Variants in ERICH6B observed in about 807,000 individuals in gnomAD.
ERICH6B encodes glutamate-rich protein 6B.
Under a neutral mutation model 80.0 loss-of-function variants are expected in ERICH6B, and 69 were observed. The observed-to-expected ratio is 0.86, with a 90% confidence interval of 0.71 to 1.05. The LOEUF is 1.05. Among genes scored for constraint, ERICH6B ranks in the 50% least tolerant of loss-of-function variants. The probability of loss-of-function intolerance (pLI) is 0.00; values close to 1 mark genes in which losing one functional copy is unlikely to be tolerated. For synonymous variants in ERICH6B, 283 were observed against 291.9 expected, an observed-to-expected ratio of 0.97 and a Z score of 0.31; for missense variants, 754 against 796.1, an observed-to-expected ratio of 0.95 and a Z score of 0.64.
At chr13:45,591,821 T>C (rs1876168238) in intron 3 of ERICH6B, among the ~76,000 whole-genome samples, 3 of 152,188 alleles carry the variant, frequency 2.0e-5, no homozygotes, top group Admixed American at 2.0e-4. Flanking sequence ...GAATTAGCTT[T>C]ATTTATATTT....
At chr13:45,610,221 C>A (rs1949891660) in intron 1 of ERICH6B, among the ~76,000 whole-genome samples, 1 of 152,052 alleles carries the variant, frequency 6.6e-6, no homozygotes. Context: ...AGGTTTTTTT[C>A]ATGTCTGACA....
chr13:45,603,233 G>C (rs1285098948), intron 2 of ERICH6B, among the ~76,000 whole-genome samples: 1 of 152,206 alleles, frequency 6.6e-6, no homozygotes, highest in Non-Finnish European at 1.5e-5. Context: ...CCACATTGGT[G>C]AAGATGATCT....
intron 1 of ERICH6B, among the ~76,000 whole-genome samples, chr13:45,611,269 G>A (rs966642022): frequency 6.6e-6 from 1 of 152,202 alleles, no homozygotes; most frequent in Non-Finnish European, 1.5e-5. Context: ...GCACAGTAAA[G>A]CGGCAGTAGG....
rs1421374615 is a variant in ERICH6B at position 45,596,664 on chromosome 13, C to T, written c.342G>A (p.Glu114=). The T allele has an allele frequency of 6.4e-7, 1 of 1,551,896 alleles. No homozygotes were observed. Among genetic ancestry groups the T allele is most frequent in the South Asian group, 1.2e-5 (1 of 84,026 alleles). The change falls in exon 3 of 15, where the codon GAG becomes GAA. Residue 114 remains glutamate, a synonymous_variant. Coordinates refer to ENST00000298738, the MANE Select transcript of ERICH6B (RefSeq NM_182542.3). ...LEEEEYIEEE[E]YLGKEGYLEE... is the part of the protein sequence containing the mutation. ...CCAGATACCCTTCCTTCCCCAGATA[C>T]TCTTCCTCTTCAATATACTCTTCCT...
intron 11 of ERICH6B, chr13:45,553,082 C>T (rs556102283): frequency 5.3e-5 from 16 of 304,644 alleles, no homozygotes; most frequent in South Asian, 4.4e-4. Context: ...CTTGTAGTTG[C>T]AAGACATTCC....
chr13:45,578,919 A>G (rs549619025), intron 7 of ERICH6B, among the ~76,000 whole-genome samples: 1 of 152,322 alleles, frequency 6.6e-6, no homozygotes, highest in Non-Finnish European at 1.5e-5. Context: ...GAGTGGTGGC[A>G]TGCACCCGTG....
rs1874297276 is a variant in ERICH6B, at chr13:45,553,256, G to A, written c.1408-2940C>T. Reference sequence around the variant, plus strand: ...CAGTGAGGCCTGATTTGTTAGTTAAGTGCTGATTCTCCCTTCTGACACCGG... The same window carrying A: ...CAGTGAGGCCTGATTTGTTAGTTAAATGCTGATTCTCCCTTCTGACACCGG... On this transcript the variant is annotated intron_variant, in intron 11 of 14. Transcript: ENST00000298738. 2.9e-5 allele frequency: 5 copies of A among 170,394 alleles called. No homozygotes were observed. In the South Asian group the frequency reaches 5.0e-4, roughly 17 times the overall value. 10.6% of individuals were successfully genotyped at this position (170,394 alleles called of 1,614,324 possible). A position where few individuals can be genotyped will look rare whatever the true frequency, so the allele number is the denominator to read the frequency against.
In ERICH6B at chr13:45,596,953, G is replaced by A. The variant is rs1459543233; in HGVS notation, c.53C>T (p.Thr18Ile). 7.7e-6 allele frequency: 12 copies of A among 1,551,732 alleles called. No individual in the cohort carries two copies. The highest frequency in any genetic ancestry group is 3.3e-4 in the Middle Eastern group (2 of 5,992). ...GTTCTGTGTGGAATATTGGGGAGTT[G>A]TGGGAGGGTGAGGAGGTGATGCTCC... ...LSGASPPHPP[T>I]TPQYSTQNLP... The change falls in exon 3 of 15, where the codon ACA (threonine) becomes ATA (isoleucine). Residue 18 changes from threonine to isoleucine, a missense_variant. By Grantham distance (89) the Thr-to-Ile change is moderately conservative. Coordinates refer to ENST00000298738, the MANE Select transcript of ERICH6B (RefSeq NM_182542.3).
chr13:45,599,864 G>A (rs1401114574), intron 2 of ERICH6B, among the ~76,000 whole-genome samples: 1 of 152,202 alleles, frequency 6.6e-6, no homozygotes. Context: ...GAGGATTCCC[G>A]TGGCCATTTG....
At position 45,597,006 on chromosome 13, in the gene ERICH6B, G is replaced by A. The variant is rs1294492111; in HGVS notation, c.-1C>T. On this transcript the variant is annotated 5_prime_UTR_variant, in exon 3 of 15. Transcript: ENST00000298738. ...ATAACTGATTATTTTCAGCAGACAT[G>A]CTGGGGAAGTCGTAGGTGGTGAACT... 2 of 1,539,106 alleles carry A rather than the reference G, an allele frequency of 1.3e-6. No homozygotes were observed. The highest frequency in any genetic ancestry group is 1.2e-5 in the South Asian group (1 of 81,934).
At chr13:45,583,491 C>G (rs1478121578) in intron 5 of ERICH6B, among the ~76,000 whole-genome samples, 1 of 152,176 alleles carries the variant, frequency 6.6e-6, no homozygotes, top group Non-Finnish European at 1.5e-5. Context: ...AAATCTGAGT[C>G]CACTGAAGGA....
intron 3 of ERICH6B, among the ~76,000 whole-genome samples, chr13:45,595,712 G>A (rs1339744397): frequency 1.8e-5 from 2 of 113,030 alleles, no homozygotes; most frequent in African/African-American, 7.0e-5. Flanking sequence ...TAAGCATTCT[G>A]TTACCCAGGC....
chr13:45,593,104 T>G (rs1876222280), intron 3 of ERICH6B, among the ~76,000 whole-genome samples: 2 of 152,234 alleles, frequency 1.3e-5, no homozygotes, highest in South Asian at 4.1e-4. Flanking sequence ...TGGCAATTGA[T>G]GCTGCATTTA....
At chr13:45,611,270 C>G (rs182096106) in intron 1 of ERICH6B, among the ~76,000 whole-genome samples, 1 of 152,166 alleles carries the variant, frequency 6.6e-6, no homozygotes, top group African/African-American at 2.4e-5. Flanking sequence ...CACAGTAAAG[C>G]GGCAGTAGGA....
intron 2 of ERICH6B, among the ~76,000 whole-genome samples, chr13:45,606,797 G>A (rs755673088): frequency 9.2e-5 from 14 of 151,398 alleles, no homozygotes; most frequent in Admixed American, 2.6e-4. Flanking sequence ...CAGGTGATCC[G>A]TCCACCTCAG....
In ERICH6B at chr13:45,596,777, C is replaced by T; in HGVS notation, c.229G>A (p.Glu77Lys). 1 of 1,551,680 alleles carries T rather than the reference C, an allele frequency of 6.4e-7. No individual in the cohort carries two copies. The highest frequency in any genetic ancestry group is 1.2e-5 in the South Asian group (1 of 84,060). ...TACTCTTCCTCCTTCAAGTATTCTTCTTTCCCCAGATACTCTTCCTCTTCC... is the reference window on the plus strand; with the variant it reads ...TACTCTTCCTCCTTCAAGTATTCTTTTTTCCCCAGATACTCTTCCTCTTCC... ...DLEEEEYLGKEEYLKEEEYLG... is the reference protein window; with the variant it reads ...DLEEEEYLGKKEYLKEEEYLG... Residue 77 changes from glutamate (E) to lysine (K), a missense_variant, in exon 3 of 15, where the codon GAA becomes AAA. Transcript: ENST00000298738.
chr13:45,544,953 A>C lies in ERICH6B; in HGVS notation c.1679T>G (p.Phe560Cys). ...GGCCTTCTGGCGTTTGTCTTTGGGG[A>C]AGTAGTAGCCCAGGTTGGAGCTCAG... ...LNLSSNLGYYFPKDKRQKAWN... is the reference protein window; with the variant it reads ...LNLSSNLGYYCPKDKRQKAWN... Residue 560 changes from phenylalanine (F) to cysteine (C), a missense_variant, in exon 14 of 15, where the codon TTC (phenylalanine) becomes TGC (cysteine). Transcript: ENST00000298738. 1 of 1,551,210 alleles carries C rather than the reference A, an allele frequency of 6.4e-7. No individual in the cohort carries two copies. The highest frequency in any genetic ancestry group is 2.4e-5 in the East Asian group (1 of 40,914).
chr13:45,574,807 CTG>C lies in ERICH6B; in HGVS notation c.1050+33_1050+34del, dbSNP rs1491393789. 2.1e-5 allele frequency: 31 copies of C among 1,472,370 alleles called. No individual in the cohort carries two copies. The African/African-American group carries it at 3.8e-4, about 18-fold the overall frequency. 91.2% of individuals were successfully genotyped at this position (1,472,370 alleles called of 1,614,324 possible). On this transcript the variant is annotated intron_variant, in intron 8 of 14. Coordinates refer to ENST00000298738, the MANE Select transcript of ERICH6B (RefSeq NM_182542.3). ...TGGGCCACCCTACATTTGGAGGAAG[CTG>C]GGGGGGGGGTCTCAAGTTTTTATCC...
At chr13:45,578,730 G>T (rs974376910) in intron 7 of ERICH6B, among the ~76,000 whole-genome samples, 38 of 152,342 alleles carry the variant, frequency 2.5e-4, no homozygotes, top group Admixed American at 1.3e-3. Flanking sequence ...TACTCAAAGT[G>T]TGGTCCATGG....
Sources: gnomAD v4.1 joint callset for allele counts (sites outside exome capture counted in the v4.1 genomes callset) on GRCh38, gnomAD v4.1.1 for gene constraint, MANE v1.5 for transcripts, NCBI Gene and HGNC (gene_info 2026-07-23, HGNC 2026-07-21) for gene names.